The following JARID2 variants were observed in gnomAD, a reference collection of about 807,000 sequenced individuals.
JARID2 encodes jumonji and AT-rich interaction domain containing 2, also known as protein Jumonji.
Under a neutral mutation model 125.6 loss-of-function variants are expected in JARID2, and 21 were observed. That is an observed-to-expected ratio of 0.17 (90% CI 0.12 to 0.24). The LOEUF (loss-of-function observed/expected upper bound fraction) is 0.24, where lower values mean the gene tolerates loss of function less well. JARID2 is among the 10% of genes least tolerant of loss of function. The probability of loss-of-function intolerance (pLI) is 1.00; values close to 1 mark genes in which losing one functional copy is unlikely to be tolerated. For missense variants in JARID2, 1,303 were observed against 1,639.6 expected (o/e 0.79, Z 3.55); for synonymous variants, 736 against 661.6 (o/e 1.11, Z -1.73).
At chr6:15,410,391 G>T (rs779391649) in intron 3 of JARID2, 26 bp downstream of exon 3, 14 of 1,609,058 alleles carry the variant, frequency 8.7e-6, no homozygotes, top group Non-Finnish European at 9.4e-6. Context: ...TGAAAATATT[G>T]GTACCTTCAA....
chr6:15,290,515 A>G (rs1761165146), intron 1 of JARID2, among the ~76,000 whole-genome samples: 1 of 152,178 alleles, frequency 6.6e-6, no homozygotes, highest in African/African-American at 2.4e-5. Context: ...CACATCCTTG[A>G]CAGCTTGGTA....
At chr6:15,484,844 G>A (rs2127712795) in intron 5 of JARID2, among the ~76,000 whole-genome samples, 1 of 152,084 alleles carries the variant, frequency 6.6e-6, no homozygotes, top group Middle Eastern at 3.4e-3. Flanking sequence ...GTTTGGAGGA[G>A]TATTGGAGAT....
At chr6:15,399,985 C>G (rs762885138) in intron 2 of JARID2, among the ~76,000 whole-genome samples, 2 of 152,194 alleles carry the variant, frequency 1.3e-5, no homozygotes, top group African/African-American at 4.8e-5. Context: ...AAAGCTATAA[C>G]ATATGAAAGG....
At chr6:15,373,871 A>G (rs1434977995) in intron 1 of JARID2, among the ~76,000 whole-genome samples, 2 of 152,226 alleles carry the variant, frequency 1.3e-5, no homozygotes, top group Non-Finnish European at 2.9e-5. Flanking sequence ...TTTGGGGCGT[A>G]TAAAGAAGTG....
chr6:15,454,284 CT>C (rs1331262012), intron 4 of JARID2, among the ~76,000 whole-genome samples: 1 of 152,098 alleles, frequency 6.6e-6, no homozygotes, highest in Non-Finnish European at 1.5e-5. Context: ...GGCTTTGGGA[CT>C]GAATTGTTGG....
chr6:15,329,617 A>G (rs958822216), intron 1 of JARID2, among the ~76,000 whole-genome samples: 1 of 152,216 alleles, frequency 6.6e-6, no homozygotes, highest in Non-Finnish European at 1.5e-5. Flanking sequence ...GTTAAACCGC[A>G]TGCGCTCTGT....
intron 1 of JARID2, among the ~76,000 whole-genome samples, chr6:15,346,173 A>G (rs536438272): frequency 6.6e-6 from 1 of 152,316 alleles, no homozygotes; most frequent in African/African-American, 2.4e-5. Context: ...TGTGGCATAA[A>G]ATAGTTTAAA....
chr6:15,345,521 T>C (rs1245134172), intron 1 of JARID2, among the ~76,000 whole-genome samples: 2 of 152,210 alleles, frequency 1.3e-5, no homozygotes, highest in African/African-American at 4.8e-5. Flanking sequence ...TGATAGGAAG[T>C]AGTATATGGA....
Position 15,372,213 on chromosome 6 carries a change from G to T in JARID2, c.46-1904G>T, listed in dbSNP as rs147275101. 1.7e-3 allele frequency among the ~76,000 whole-genome samples: 263 copies of T among 152,246 alleles called. 1 individual carries two copies. The highest frequency in any genetic ancestry group is 5.8e-3 in the African/African-American group (242 of 41,536). On this transcript the variant is annotated intron_variant, in intron 1 of 17. Coordinates refer to ENST00000341776, the MANE Select transcript of JARID2 (RefSeq NM_004973.4). ...CATGGAAGTTTTCTGTGATCCTTCA[G>T]TGTTAGGGAGGAAAAACCAATTCTT...
chr6:15,509,206 T>C (rs1771156989), intron 12 of JARID2: 1 of 1,226,282 alleles, frequency 8.2e-7, no homozygotes, highest in East Asian at 5.8e-5. Context: ...GAGGCTGGAC[T>C]CTTTGGTGTC....
At chr6:15,512,533 G>A (rs1771329214) in intron 14 of JARID2, 143 bp downstream of exon 14, 9 of 822,244 alleles carry the variant, frequency 1.1e-5, no homozygotes, top group African/African-American at 3.4e-5. Context: ...TTCTTAAGAC[G>A]TGGTTGAAAG....
At chr6:15,430,408 CAAG>C (rs1166504032) in intron 3 of JARID2, among the ~76,000 whole-genome samples, 2 of 152,104 alleles carry the variant, frequency 1.3e-5, no homozygotes, top group Non-Finnish European at 2.9e-5. Context: ...AAACAGAAAA[CAAG>C]AACCATGCTT....
At chr6:15,268,697 C>T (rs993896069) in intron 1 of JARID2, among the ~76,000 whole-genome samples, 1 of 152,216 alleles carries the variant, frequency 6.6e-6, no homozygotes, top group Non-Finnish European at 1.5e-5. Flanking sequence ...CCATCCTCCC[C>T]TGCTGTTTTG....
chr6:15,449,808 ATAT>A (rs1406132116), intron 3 of JARID2, among the ~76,000 whole-genome samples: 1 of 152,158 alleles, frequency 6.6e-6, no homozygotes, highest in African/African-American at 2.4e-5. Flanking sequence ...TGTATCAGGA[ATAT>A]TATTAGACGG....
At chr6:15,444,623 T>C (rs1337348517) in intron 3 of JARID2, among the ~76,000 whole-genome samples, 2 of 152,012 alleles carry the variant, frequency 1.3e-5, no homozygotes, top group East Asian at 3.8e-4. Context: ...ATTTTTTTTT[T>C]TTTTGAATAG....
intron 1 of JARID2, among the ~76,000 whole-genome samples, chr6:15,352,740 C>T (rs1373348605): frequency 2.6e-5 from 4 of 152,112 alleles, no homozygotes; most frequent in Admixed American, 6.5e-5. Context: ...GCAACCTCTG[C>T]TTTTCCCCCC....
chr6:15,478,254 G>A (rs1380844769), intron 5 of JARID2, among the ~76,000 whole-genome samples: 1 of 152,064 alleles, frequency 6.6e-6, no homozygotes, highest in African/African-American at 2.4e-5. Flanking sequence ...TGGTGTCAGG[G>A]CTAAAAAGAT....
intron 1 of JARID2, among the ~76,000 whole-genome samples, chr6:15,292,521 G>A (rs1005013606): frequency 2.6e-5 from 4 of 152,162 alleles, no homozygotes; most frequent in African/African-American, 7.2e-5. Flanking sequence ...GTCTTCTGTT[G>A]TATTTTGACA....
chr6:15,355,389 A>C (rs191388295), intron 1 of JARID2, among the ~76,000 whole-genome samples: 47 of 152,346 alleles, frequency 3.1e-4, no homozygotes, highest in African/African-American at 1.1e-3. Context: ...TTTTATATCT[A>C]ATGTTAATAC....
Sources: gnomAD v4.1 joint callset for allele counts (sites outside exome capture counted in the v4.1 genomes callset) on GRCh38, gnomAD v4.1.1 for gene constraint, MANE v1.5 for transcripts, NCBI Gene and HGNC (gene_info 2026-07-23, HGNC 2026-07-21) for gene names.